BRINP1: variants seen among roughly 807,000 people sequenced by gnomAD.
BRINP1 encodes the protein BMP/retinoic acid inducible neural specific 1, also known as BMP/retinoic acid-inducible neural-specific protein 1.
In BRINP1, 17 loss-of-function variants were observed where a neutral mutation model predicts 72.9. That is an observed-to-expected ratio of 0.23 (90% CI 0.16 to 0.35). The LOEUF is 0.35. Ranked by LOEUF, BRINP1 falls within the 10% of genes least tolerant of loss-of-function variation. The pLI is 1.00. For synonymous variants in BRINP1, 418 were observed against 378.5 expected, an observed-to-expected ratio of 1.10 and a Z score of -1.21; for missense variants, 850 against 1,001.6, an observed-to-expected ratio of 0.85 and a Z score of 2.04.
At chr9:119,244,626 G>C (rs78876945) in intron 3 of BRINP1, among the ~76,000 whole-genome samples, 6,721 of 152,284 alleles carry the variant, frequency 0.044, 500 homozygotes, top group African/African-American at 0.15. Context: ...TTAGGGGCCT[G>C]TGAAGGAGAA....
At chr9:119,170,821 A>G (rs1226287975) in intron 7 of BRINP1, among the ~76,000 whole-genome samples, 4 of 144,750 alleles carry the variant, frequency 2.8e-5, no homozygotes, top group Admixed American at 1.4e-4. Flanking sequence ...AGTGGGGGCC[A>G]ATATTCAACA....
intron 2 of BRINP1, among the ~76,000 whole-genome samples, chr9:119,278,156 C>A (rs1830674416): frequency 6.6e-6 from 1 of 152,162 alleles, no homozygotes; most frequent in Admixed American, 6.5e-5. Context: ...TGGGACTCTT[C>A]TGTGTTTACA....
At chr9:119,233,656 C>T (rs990377330) in intron 5 of BRINP1, among the ~76,000 whole-genome samples, 1 of 152,134 alleles carries the variant, frequency 6.6e-6, no homozygotes, top group African/African-American at 2.4e-5. Flanking sequence ...ATTGTATACA[C>T]AGAAATGCAT....
chr9:119,283,885 C>T lies in BRINP1; in HGVS notation c.218+29253G>A, dbSNP rs549893362. Among the ~76,000 whole-genome samples, 11 of 152,234 alleles carry T rather than the reference C, an allele frequency of 7.2e-5. No individual in the cohort carries two copies. The Middle Eastern group carries it at 0.014, about 188-fold the overall frequency. On this transcript the variant is annotated intron_variant, in intron 2 of 7. Coordinates refer to ENST00000265922, the MANE Select transcript of BRINP1 (RefSeq NM_014618.3). ...CATACCGTCACCTGATGCTATCATT[C>T]CTCCTTTTTCTCCTTAGGCTGGTTT...
At chr9:119,281,677 TATATAA>T (rs34530504) in intron 2 of BRINP1, among the ~76,000 whole-genome samples, 71,155 of 151,456 alleles carry the variant, frequency 0.47, 17,123 homozygotes, top group African/African-American at 0.56. Context: ...TACTTATGCT[TATATAA>T]ATATAAATCT....
chr9:119,358,726 A>G (rs952385118), intron 1 of BRINP1, among the ~76,000 whole-genome samples: 23 of 152,130 alleles, frequency 1.5e-4, no homozygotes, highest in African/African-American at 4.8e-4. Flanking sequence ...AGAGGTTGGA[A>G]TTTCAGCTGG....
intron 5 of BRINP1, among the ~76,000 whole-genome samples, chr9:119,218,670 C>G (rs1002028952): frequency 4.0e-5 from 6 of 151,744 alleles, no homozygotes; most frequent in African/African-American, 1.5e-4. Context: ...CGAGGGTGAC[C>G]TGGCTTACAA....
At chr9:119,353,192 G>C (rs1176255850) in intron 1 of BRINP1, among the ~76,000 whole-genome samples, 14 of 152,088 alleles carry the variant, frequency 9.2e-5, no homozygotes, top group Admixed American at 9.2e-4. Context: ...CACAAGGCCT[G>C]GAACATAGAA....
intron 2 of BRINP1, among the ~76,000 whole-genome samples, chr9:119,299,351 T>A (rs1190890821): frequency 2.6e-5 from 4 of 152,178 alleles, no homozygotes; most frequent in Non-Finnish European, 4.4e-5. Context: ...CGGTGGCTCA[T>A]GCCTGTAATC....
At chr9:119,262,626 A>C (rs1355012840) in intron 2 of BRINP1, among the ~76,000 whole-genome samples, 2 of 139,468 alleles carry the variant, frequency 1.4e-5, no homozygotes, top group Admixed American at 1.6e-4. Context: ...AGCCTGGGTG[A>C]CAGAGCGAGA....
intron 7 of BRINP1, among the ~76,000 whole-genome samples, chr9:119,169,734 T>C (rs1417487445): frequency 6.6e-6 from 1 of 152,252 alleles, no homozygotes; most frequent in East Asian, 1.9e-4. Flanking sequence ...TGTTCCTGTC[T>C]GACAGCTTTG....
chr9:119,301,142 ATT>A (rs1830934154), intron 2 of BRINP1, among the ~76,000 whole-genome samples: 1 of 152,156 alleles, frequency 6.6e-6, no homozygotes, highest in Non-Finnish European at 1.5e-5. Context: ...TAAATTCAAC[ATT>A]TTCAAAGCTG....
At chr9:119,261,380 T>C (rs532916822) in intron 2 of BRINP1, among the ~76,000 whole-genome samples, 105 of 152,300 alleles carry the variant, frequency 6.9e-4, no homozygotes, top group African/African-American at 2.4e-3. Flanking sequence ...GTTAGTCCCA[T>C]ATAGGCACCA....
At chr9:119,220,927 G>C (rs1230533582) in intron 5 of BRINP1, among the ~76,000 whole-genome samples, 1 of 152,072 alleles carries the variant, frequency 6.6e-6, no homozygotes, top group African/African-American at 2.4e-5. Flanking sequence ...CTTATGCAAG[G>C]CAAAGACCAT....
chr9:119,168,821 G>A (rs1311340882), intron 7 of BRINP1, among the ~76,000 whole-genome samples: 1 of 152,140 alleles, frequency 6.6e-6, no homozygotes, highest in Admixed American at 6.5e-5. Flanking sequence ...TTAGAAAGGG[G>A]TTATTTCCCA....
chr9:119,349,553 G>C (rs148565465), intron 1 of BRINP1, among the ~76,000 whole-genome samples: 11 of 152,138 alleles, frequency 7.2e-5, no homozygotes, highest in Non-Finnish European at 1.3e-4. Flanking sequence ...ATACAGCAAC[G>C]GTTAAAAGCC....
intron 2 of BRINP1, among the ~76,000 whole-genome samples, chr9:119,278,758 C>A (rs575396903): frequency 6.6e-6 from 1 of 151,882 alleles, no homozygotes; most frequent in Non-Finnish European, 1.5e-5. Context: ...CGTGGTGGTG[C>A]GTGCCTGTAG....
intron 5 of BRINP1, among the ~76,000 whole-genome samples, chr9:119,224,174 C>T (rs1434995866): frequency 6.6e-6 from 1 of 151,900 alleles, no homozygotes; most frequent in African/African-American, 2.4e-5. Flanking sequence ...TCTAGTTTGG[C>T]ACTAGAAAAA....
In BRINP1 at chr9:119,334,308, G is replaced by T. The variant is rs113637288; in HGVS notation, c.-50-20903C>A. On this transcript the variant is annotated intron_variant, in intron 1 of 7. Coordinates refer to ENST00000265922, the MANE Select transcript of BRINP1 (RefSeq NM_014618.3). ...TATTTCTAACACCTTCGAATTGAGG[G>T]GTACATTACCTCATTCGGTTTTCAC... Among the ~76,000 whole-genome samples, 846 of 152,266 alleles carry T rather than the reference G, an allele frequency of 5.6e-3. 13 individuals are homozygous for T. Among genetic ancestry groups the T allele is most frequent in the African/African-American group, 0.02 (820 of 41,538 alleles).
Sources: gnomAD v4.1 joint callset for allele counts (sites outside exome capture counted in the v4.1 genomes callset) on GRCh38, gnomAD v4.1.1 for gene constraint, MANE v1.5 for transcripts, NCBI Gene and HGNC (gene_info 2026-07-23, HGNC 2026-07-21) for gene names.